The following UNC13C variants were observed in gnomAD, a reference collection of about 807,000 sequenced individuals.
UNC13C encodes protein unc-13 homolog C.
Under a neutral mutation model 245.4 loss-of-function variants are expected in UNC13C, and 174 were observed. The observed-to-expected ratio is 0.71, with a 90% CI of 0.63 to 0.80. The LOEUF is 0.80. Ranked by LOEUF, UNC13C falls within the 30% of genes least tolerant of loss-of-function variation. The pLI, the probability that UNC13C is intolerant of heterozygous loss-of-function variation, is 0.00. For synonymous variants in UNC13C, 992 were observed against 895.1 expected, an observed-to-expected ratio of 1.11 and a Z score of -1.93; for missense variants, 2,829 against 2,602.9, an observed-to-expected ratio of 1.09 and a Z score of -1.89.
chr15:54,590,507 T>C (rs1329428028), intron 30 of UNC13C, among the ~76,000 whole-genome samples: 1 of 152,188 alleles, frequency 6.6e-6, no homozygotes, highest in South Asian at 2.1e-4. Flanking sequence ...TCTGACTCTT[T>C]TGTTAGGTAT....
At chr15:54,268,293 G>C (rs1238299273) in intron 10 of UNC13C, among the ~76,000 whole-genome samples, 4 of 151,848 alleles carry the variant, frequency 2.6e-5, no homozygotes, top group Admixed American at 2.6e-4. Flanking sequence ...TTCCATCCTA[G>C]GAAATCCTAA....
At chr15:53,924,400 C>G in the UNC13C span, among the ~76,000 whole-genome samples, 27 of 152,062 alleles carry the variant, frequency 1.8e-4, no homozygotes, top group Admixed American at 1.8e-3. Flanking sequence ...CCTTTTCTTT[C>G]ATGAAATTGT....
chr15:54,037,355 T>A (rs1170464331), intron 2 of UNC13C, among the ~76,000 whole-genome samples: 1 of 152,188 alleles, frequency 6.6e-6, no homozygotes, highest in East Asian at 1.9e-4. Flanking sequence ...GGCAAATAGT[T>A]TAAACCGTCT....
intron 19 of UNC13C, among the ~76,000 whole-genome samples, chr15:54,470,874 A>G (rs1044320535): frequency 6.6e-6 from 1 of 150,918 alleles, no homozygotes; most frequent in African/African-American, 2.4e-5. Context: ...TAATGTAGGC[A>G]TTTATTGCTA....
chr15:54,113,136 C>T (rs1415177486), intron 2 of UNC13C, among the ~76,000 whole-genome samples: 4 of 151,950 alleles, frequency 2.6e-5, no homozygotes, highest in Non-Finnish European at 5.9e-5. Flanking sequence ...ACATCTTACC[C>T]CTTAAATTGC....
chr15:54,098,522 A>G (rs1899998991), intron 2 of UNC13C, among the ~76,000 whole-genome samples: 1 of 152,156 alleles, frequency 6.6e-6, no homozygotes, highest in Non-Finnish European at 1.5e-5. Context: ...AATTGTAAGA[A>G]GCACCAGATT....
intron 30 of UNC13C, among the ~76,000 whole-genome samples, chr15:54,620,061 T>C (rs116045558): frequency 0.014 from 2,154 of 152,276 alleles, 52 homozygotes; most frequent in African/African-American, 0.048. Flanking sequence ...TGTACTACCT[T>C]ACACAGCCAG....
chr15:54,111,939 G>A (rs1900798095), intron 2 of UNC13C, among the ~76,000 whole-genome samples: 1 of 152,126 alleles, frequency 6.6e-6, no homozygotes, highest in Admixed American at 6.5e-5. Flanking sequence ...GATTTATAGA[G>A]AACCTTTTGC....
At chr15:54,111,190 T>C (rs1900752070) in intron 2 of UNC13C, among the ~76,000 whole-genome samples, 2 of 152,222 alleles carry the variant, frequency 1.3e-5, no homozygotes, top group Admixed American at 1.3e-4. Context: ...TACAATAAGA[T>C]GGACAATAGA....
rs1260782728 is a variant in UNC13C, at chr15:53,978,668, G to A, written c.-516G>A. 6.6e-6 allele frequency among the ~76,000 whole-genome samples: 1 copy of A among 152,124 alleles called. No individual in the cohort carries two copies. Among genetic ancestry groups the A allele is most frequent in the East Asian group, 1.9e-4 (1 of 5,182 alleles). ...AGCAGCTAAGTTGTAGAATTGCTTC[G>A]GAGGCTACCCGGGAGTGCGATAGAA... On this transcript the variant is annotated 5_prime_UTR_variant, in exon 1 of 33. Coordinates refer to ENST00000260323, the MANE Select transcript of UNC13C (RefSeq NM_001080534.3).
chr15:54,234,135 C>T (rs1223363090), intron 4 of UNC13C, among the ~76,000 whole-genome samples: 2 of 152,000 alleles, frequency 1.3e-5, no homozygotes, highest in Admixed American at 6.6e-5. Context: ...CACCCATTTT[C>T]ACTCCACAGA....
chr15:54,401,695 A>C (rs1042903028), intron 18 of UNC13C, among the ~76,000 whole-genome samples: 6 of 152,000 alleles, frequency 3.9e-5, no homozygotes, highest in Non-Finnish European at 8.8e-5. Context: ...TAGCAGAGTC[A>C]CGTACTGGAG....
At chr15:54,093,578 A>T (rs1899686106) in intron 2 of UNC13C, among the ~76,000 whole-genome samples, 1 of 152,244 alleles carries the variant, frequency 6.6e-6, no homozygotes, top group Admixed American at 6.5e-5. Context: ...TGTTCATATC[A>T]GTGGATAATT....
At chr15:54,141,272 A>G (rs1218954212) in intron 2 of UNC13C, among the ~76,000 whole-genome samples, 2 of 152,140 alleles carry the variant, frequency 1.3e-5, no homozygotes, top group Non-Finnish European at 2.9e-5. Flanking sequence ...TGATTACTAG[A>G]TATAAAATTA....
chr15:54,069,151 C>G (rs1445472354), intron 2 of UNC13C, among the ~76,000 whole-genome samples: 1 of 152,118 alleles, frequency 6.6e-6, no homozygotes, highest in Non-Finnish European at 1.5e-5. Context: ...TCTTATTCCT[C>G]TCAATATGGC....
In UNC13C at chr15:54,623,996, T is replaced by C. The variant is rs748392119; in HGVS notation, c.6359+42T>C. ...CCTTACTTATTCTACCAGGCAATAG[T>C]TACTGTACAGCTGACCTTACTGAGG... On this transcript the variant is annotated intron_variant, in intron 32 of 32. Transcript: ENST00000260323. 1.1e-5 allele frequency: 18 copies of C among 1,610,108 alleles called. No homozygotes were observed. In the South Asian group the frequency reaches 1.9e-4, roughly 17 times the overall value.
the UNC13C span, among the ~76,000 whole-genome samples, chr15:53,884,234 C>T: frequency 6.6e-6 from 1 of 152,182 alleles, no homozygotes; most frequent in African/African-American, 2.4e-5. Flanking sequence ...CTGTCCAGGT[C>T]ATATGATCAG....
At chr15:54,422,437 T>C (rs1177575509) in intron 19 of UNC13C, among the ~76,000 whole-genome samples, 1 of 152,052 alleles carries the variant, frequency 6.6e-6, no homozygotes, top group African/African-American at 2.4e-5. Flanking sequence ...TTCCCTGGTA[T>C]ATAAAAGTTT....
At chr15:54,487,583 A>G (rs926133202) in intron 19 of UNC13C, among the ~76,000 whole-genome samples, 2 of 152,038 alleles carry the variant, frequency 1.3e-5, no homozygotes, top group African/African-American at 4.8e-5. Context: ...CCTGGCCAAC[A>G]TAATGAAACA....
Sources: gnomAD v4.1 joint callset for allele counts (sites outside exome capture counted in the v4.1 genomes callset) on GRCh38, gnomAD v4.1.1 for gene constraint, MANE v1.5 for transcripts, NCBI Gene and HGNC (gene_info 2026-07-23, HGNC 2026-07-21) for gene names.